The following LNX1 variants were observed in gnomAD, a reference collection of about 807,000 sequenced individuals.
LNX1 encodes ligand of numb-protein X 1.
In LNX1, 54 loss-of-function variants were observed where a neutral mutation model predicts 68.4. That is an observed-to-expected ratio of 0.79 (90% confidence interval 0.63 to 0.99). LNX1 has a LOEUF of 0.99. Ranked by LOEUF, LNX1 falls within the 50% of genes least tolerant of loss-of-function variation. The pLI, the probability that LNX1 is intolerant of heterozygous loss-of-function variation, is 0.00. For missense variants in LNX1, 906 were observed against 926.4 expected (o/e 0.98, Z 0.29); for synonymous variants, 336 against 350.0 (o/e 0.96, Z 0.45).
chr4:53,517,133 G>A (rs1435828749), intron 2 of LNX1, among the ~76,000 whole-genome samples: 1 of 152,148 alleles, frequency 6.6e-6, no homozygotes, highest in African/African-American at 2.4e-5. Flanking sequence ...GGGGTGGTTG[G>A]GGGTGTTAAA....
chr4:53,540,701 CA>C (rs984584462), intron 2 of LNX1, among the ~76,000 whole-genome samples: 39 of 151,410 alleles, frequency 2.6e-4, no homozygotes, highest in Non-Finnish European at 1.0e-4. Flanking sequence ...AAACAAAAAA[CA>C]AAAAAACCCC....
chr4:53,534,133 A>C (rs112834129), intron 2 of LNX1, among the ~76,000 whole-genome samples: 2,844 of 152,348 alleles, frequency 0.019, 66 homozygotes, highest in Non-Finnish European at 0.025. Context: ...GGAGAAGCCT[A>C]GGGCCCAGTT....
rs777516959 is a variant in LNX1 at position 53,574,008 on chromosome 4, A to G, written c.-6T>C. The G allele has an allele frequency of 3.7e-6, 6 of 1,605,174 alleles. No individual in the cohort carries two copies. The highest frequency in any genetic ancestry group is 5.1e-6 in the Non-Finnish European group (6 of 1,175,180). On this transcript the variant is annotated 5_prime_UTR_variant, in exon 2 of 11. Coordinates refer to ENST00000263925, the MANE Select transcript of LNX1 (RefSeq NM_001126328.3). ...GCAGACTCTGGCTGGTTCATGATGG[A>G]TTGGAGAGCAGTATAACAGGAAACT...
At chr4:53,520,766 A>G (rs1727153080) in intron 2 of LNX1, among the ~76,000 whole-genome samples, 1 of 152,216 alleles carries the variant, frequency 6.6e-6, no homozygotes, top group Non-Finnish European at 1.5e-5. Flanking sequence ...GTGGGAGACC[A>G]GCCTGGCCAA....
chr4:53,534,850 A>G (rs1260116635), intron 2 of LNX1, among the ~76,000 whole-genome samples: 1 of 152,174 alleles, frequency 6.6e-6, no homozygotes, highest in Non-Finnish European at 1.5e-5. Context: ...ATGTCTGGGG[A>G]CCTTGGCATC....
chr4:53,634,869 A>T lies in LNX1; in HGVS notation c.-215+17299T>A, dbSNP rs535120447. Among the ~76,000 whole-genome samples, 5 of 150,644 alleles carry T rather than the reference A, an allele frequency of 3.3e-5. No homozygotes were observed. The East Asian group carries it at 5.9e-4, about 18-fold the overall frequency. On this transcript the variant is annotated intron_variant, in intron 1 of 2. Transcript: ENST00000507168. ...ATTTTTTTAAGAGAGACAGGGTCTC[A>T]CTCTGTCACCCAGGCTGGAGTGCAA...
chr4:53,550,028 G>A (rs935667269), intron 2 of LNX1, among the ~76,000 whole-genome samples: 3 of 152,148 alleles, frequency 2.0e-5, no homozygotes, highest in African/African-American at 4.8e-5. Flanking sequence ...TGGAACTGGA[G>A]TGGCTTTACT....
chr4:53,496,305 C>T lies in LNX1; in HGVS notation c.1068G>A (p.Met356Ile). The change falls in exon 6 of 11, where the codon ATG becomes ATA. Residue 356 changes from methionine to isoleucine, a missense_variant. Transcript: ENST00000263925. Reference protein sequence around the residue: ...QPCQVLWLTVMREQKFRSRNN... With the variant: ...QPCQVLWLTVIREQKFRSRNN... The stretch of plus-strand genomic sequence containing the variant: ...TCCTGCTGCGGAACTTCTGTTCACG[C>T]ATCACAGTCAGCCACAGCACCTGGC... 1.2e-6 allele frequency: 2 copies of T among 1,614,188 alleles called. No homozygotes were observed. The highest frequency in any genetic ancestry group is 1.7e-6 in the Non-Finnish European group (2 of 1,180,038).
intron 1 of LNX1, among the ~76,000 whole-genome samples, chr4:53,578,638 A>G (rs1731643276): frequency 6.6e-6 from 1 of 152,234 alleles, no homozygotes; most frequent in African/African-American, 2.4e-5. Context: ...CTGAGGCAGA[A>G]TGAATGGAAT....
At chr4:53,537,230 G>A (rs1728437760) in intron 2 of LNX1, among the ~76,000 whole-genome samples, 1 of 152,226 alleles carries the variant, frequency 6.6e-6, no homozygotes. Flanking sequence ...TTCTCATGGA[G>A]TCAAACACCA....
intron 9 of LNX1, among the ~76,000 whole-genome samples, chr4:53,464,962 C>T (rs1722555637): frequency 6.6e-6 from 1 of 152,028 alleles, no homozygotes; most frequent in South Asian, 2.1e-4. Flanking sequence ...TCTATAAAAT[C>T]TGTAAGATGT....
chr4:53,547,410 G>A (rs1429308770), intron 2 of LNX1, among the ~76,000 whole-genome samples: 2 of 152,192 alleles, frequency 1.3e-5, no homozygotes, highest in South Asian at 2.1e-4. Flanking sequence ...GAAAAGCTCA[G>A]AGAAGGTAAG....
intron 6 of LNX1, among the ~76,000 whole-genome samples, chr4:53,486,905 A>G (rs1201311137): frequency 6.8e-6 from 1 of 146,198 alleles, no homozygotes; most frequent in East Asian, 2.1e-4. Flanking sequence ...TGACTAAGAG[A>G]AGAAAAACAT....
chr4:53,613,938 G>A, intron 2 of LNX1, among the ~76,000 whole-genome samples: 1 of 151,952 alleles, frequency 6.6e-6, no homozygotes. Context: ...GGGTGTAAAA[G>A]CATTCCTTTT....
At chr4:53,606,645 T>TA (rs1398948248) in intron 2 of LNX1, among the ~76,000 whole-genome samples, 2 of 151,892 alleles carry the variant, frequency 1.3e-5, no homozygotes, top group African/African-American at 2.4e-5. Flanking sequence ...CTGGCAGACA[T>TA]ACAATAAAAA....
At chr4:53,525,601 A>G (rs1727555598) in intron 2 of LNX1, among the ~76,000 whole-genome samples, 1 of 152,244 alleles carries the variant, frequency 6.6e-6, no homozygotes, top group Non-Finnish European at 1.5e-5. Flanking sequence ...ATCATCCCCC[A>G]TAAAGAGAGA....
chr4:53,489,134 T>A (rs890304797), intron 6 of LNX1, among the ~76,000 whole-genome samples: 4 of 152,140 alleles, frequency 2.6e-5, no homozygotes, highest in African/African-American at 9.7e-5. Flanking sequence ...TATTAAAAAG[T>A]TTATGAGTAT....
intron 1 of LNX1, chr4:53,652,057 G>GAGAGAGAGAGAC (rs1553946968): frequency 6.8e-6 from 1 of 146,944 alleles, no homozygotes; most frequent in African/African-American, 2.5e-5. Context: ...GAGAGAGAGA[G>GAGAGAGAGAGAC]AGAGACAGAG....
At position 53,541,468 on chromosome 4, in the gene LNX1, T is replaced by A. The variant is rs571592255; in HGVS notation, c.380+32155A>T. ...TTCTAAGACTGATCTAATCAGCACA[T>A]TTCATATATATTTTTTTTCTAAAAG... On this transcript the variant is annotated intron_variant, in intron 2 of 10. Coordinates refer to ENST00000263925, the MANE Select transcript of LNX1 (RefSeq NM_001126328.3). Among the ~76,000 whole-genome samples, 19 of 151,550 alleles carry A rather than the reference T, an allele frequency of 1.3e-4. No homozygotes were observed. In the East Asian group the frequency reaches 3.7e-3, roughly 29 times the overall value.
Sources: allele counts gnomAD v4.1 joint callset (sites outside exome capture counted in the v4.1 genomes callset), GRCh38; gene constraint gnomAD v4.1.1; transcripts MANE v1.5; gene names NCBI Gene and HGNC (gene_info 2026-07-23, HGNC 2026-07-21).